PPARGC1A: variants seen among roughly 807,000 people sequenced by gnomAD.
PPARGC1A encodes peroxisome proliferator-activated receptor gamma coactivator 1-alpha.
A neutral mutation model predicts 88.7 loss-of-function variants in PPARGC1A; 25 were observed. That is an observed-to-expected ratio of 0.28 (90% CI 0.21 to 0.39). PPARGC1A has a LOEUF of 0.39. Ranked by LOEUF, PPARGC1A falls within the 10% of genes least tolerant of loss-of-function variation. The pLI, the probability that PPARGC1A is intolerant of heterozygous loss-of-function variation, is 1.00. For missense variants in PPARGC1A, 880 were observed against 968.7 expected, an observed-to-expected ratio of 0.91 and a Z score of 1.22; for synonymous variants, 363 against 355.6, an observed-to-expected ratio of 1.02 and a Z score of -0.24.
the PPARGC1A span, among the ~76,000 whole-genome samples, chr4:24,204,746 G>A: frequency 6.6e-6 from 1 of 152,070 alleles, no homozygotes; most frequent in African/African-American, 2.4e-5. Context: ...TTTATGGGGT[G>A]GTTTACCTGG....
chr4:24,141,437 T>C, the PPARGC1A span, among the ~76,000 whole-genome samples: 1 of 152,352 alleles, frequency 6.6e-6, no homozygotes, highest in East Asian at 1.9e-4. Context: ...TAGAGTATAA[T>C]ACCAGATCTG....
the PPARGC1A span, among the ~76,000 whole-genome samples, chr4:23,941,196 C>T: frequency 5.3e-5 from 8 of 152,086 alleles, no homozygotes; most frequent in South Asian, 8.3e-4. Flanking sequence ...GGCCTATAGG[C>T]GTGCAGCACA....
the PPARGC1A span, among the ~76,000 whole-genome samples, chr4:24,081,421 C>A: frequency 0.055 from 8,427 of 152,158 alleles, 333 homozygotes; most frequent in Non-Finnish European, 0.082. Flanking sequence ...AAAATAAAGT[C>A]TTTTAAAGTG....
At chr4:24,256,548 T>A in the PPARGC1A span, among the ~76,000 whole-genome samples, 1 of 152,186 alleles carries the variant, frequency 6.6e-6, no homozygotes, top group Non-Finnish European at 1.5e-5. Context: ...CCGAAGTAGG[T>A]GAGTGGTCTC....
chr4:24,449,647 G>T, the PPARGC1A span, among the ~76,000 whole-genome samples: 2 of 152,126 alleles, frequency 1.3e-5, no homozygotes, highest in South Asian at 4.1e-4. Context: ...AGGTAGTTTT[G>T]CACAAAAGAC....
At chr4:24,361,144 CAAGAAGG>C in the PPARGC1A span, among the ~76,000 whole-genome samples, 41 of 151,988 alleles carry the variant, frequency 2.7e-4, no homozygotes, top group Non-Finnish European at 1.0e-4. Context: ...GGGGCAGGGA[CAAGAAGG>C]AAGAAGGAGC....
the PPARGC1A span, among the ~76,000 whole-genome samples, chr4:24,033,324 A>G: frequency 2.0e-5 from 3 of 152,212 alleles, no homozygotes; most frequent in African/African-American, 4.8e-5. Flanking sequence ...TGTCTGATGT[A>G]TAATAGCTTA....
the PPARGC1A span, among the ~76,000 whole-genome samples, chr4:24,269,552 T>G: frequency 4.6e-5 from 7 of 152,172 alleles, no homozygotes; most frequent in Non-Finnish European, 8.8e-5. Context: ...TCTCAGTCAC[T>G]TTATTTATAA....
chr4:24,324,905 C>A, the PPARGC1A span, among the ~76,000 whole-genome samples: 6 of 152,060 alleles, frequency 3.9e-5, no homozygotes, highest in Non-Finnish European at 5.9e-5. Flanking sequence ...CTCGCCAGCC[C>A]AAGCTAGGTC....
the PPARGC1A span, among the ~76,000 whole-genome samples, chr4:24,471,659 C>T: frequency 6.6e-6 from 1 of 152,318 alleles, no homozygotes; most frequent in East Asian, 1.9e-4. The surrounding 1 kb of genome is among the most constrained non-coding windows in gnomAD (Gnocchi z 5.4). Context: ...CCCTGGGCCC[C>T]CCGAGTCACA....
the PPARGC1A span, among the ~76,000 whole-genome samples, chr4:24,410,882 T>A: frequency 6.6e-6 from 1 of 152,186 alleles, no homozygotes; most frequent in South Asian, 2.1e-4. Flanking sequence ...TCGGCTTCCC[T>A]ACTTTTGAGG....
At chr4:24,310,151 G>T in the PPARGC1A span, among the ~76,000 whole-genome samples, 4 of 152,268 alleles carry the variant, frequency 2.6e-5, no homozygotes, top group East Asian at 7.7e-4. Context: ...TAGGTGCCTT[G>T]GCTGTATACA....
chr4:24,235,423 A>G, the PPARGC1A span, among the ~76,000 whole-genome samples: 4 of 152,180 alleles, frequency 2.6e-5, no homozygotes, highest in African/African-American at 9.7e-5. Context: ...TTTCCCAGCC[A>G]CCACATGAGA....
the PPARGC1A span, among the ~76,000 whole-genome samples, chr4:24,280,206 G>A: frequency 2.6e-5 from 4 of 152,178 alleles, no homozygotes; most frequent in African/African-American, 9.7e-5. Flanking sequence ...GAGAACTCAC[G>A]GAACATGGCA....
At chr4:24,216,417 G>C in the PPARGC1A span, among the ~76,000 whole-genome samples, 1 of 152,016 alleles carries the variant, frequency 6.6e-6, no homozygotes, top group African/African-American at 2.4e-5. Flanking sequence ...CAAAGTGCTG[G>C]GATTACAGGC....
chr4:24,119,752 T>C, the PPARGC1A span, among the ~76,000 whole-genome samples: 5 of 152,190 alleles, frequency 3.3e-5, no homozygotes, highest in East Asian at 1.9e-4. Flanking sequence ...CTAGAATGAA[T>C]TGAAATGTGA....
chr4:23,796,021 T>C (rs1717534114), intron 12 of PPARGC1A, 96 bp from the exon 13 acceptor site: 2 of 827,730 alleles, frequency 2.4e-6, no homozygotes, highest in Non-Finnish European at 4.0e-6. Flanking sequence ...ATAACAACTC[T>C]TCCAATCAAT....
chr4:24,384,615 T>C, the PPARGC1A span, among the ~76,000 whole-genome samples: 1 of 150,784 alleles, frequency 6.6e-6, no homozygotes, highest in African/African-American at 2.4e-5. Context: ...AAAACAGACT[T>C]TAAACCAAAA....
chr4:24,161,463 C>T, the PPARGC1A span, among the ~76,000 whole-genome samples: 1,136 of 152,156 alleles, frequency 7.5e-3, 17 homozygotes, highest in African/African-American at 0.025. Context: ...GGGCTGTGTG[C>T]CGATAAGAGG....
Sources: gnomAD v4.1 joint callset for allele counts (sites outside exome capture counted in the v4.1 genomes callset) on GRCh38, gnomAD v4.1.1 for gene constraint, Gnocchi (gnomAD v3.1) non-coding constraint, MANE v1.5 for transcripts, NCBI Gene and HGNC (gene_info 2026-07-23, HGNC 2026-07-21) for gene names.